Variants in KCNMB2 observed in about 807,000 individuals in gnomAD.
KCNMB2 encodes the protein potassium calcium-activated channel subfamily M regulatory beta subunit 2.
KCNMB2 carries 9 observed loss-of-function variants against 24.5 expected under a neutral mutation model. The ratio of observed to expected loss-of-function variants is 0.37; its 90% CI spans 0.22 to 0.64. KCNMB2 has a LOEUF of 0.64. Among genes scored for constraint, KCNMB2 ranks in the 30% least tolerant of loss-of-function variants. The pLI, the probability that KCNMB2 is intolerant of heterozygous loss-of-function variation, is 0.63. For missense variants in KCNMB2, 226 were observed against 284.3 expected (o/e 0.79, Z 1.47); for synonymous variants, 109 against 104.4 (o/e 1.04, Z -0.27).
intron 1 of KCNMB2, among the ~76,000 whole-genome samples, chr3:178,755,989 A>T (rs112044481): frequency 0.012 from 1,834 of 152,310 alleles, 42 homozygotes; most frequent in African/African-American, 0.042. Flanking sequence ...GCTGAGGAGG[A>T]TATAAATTAT....
In KCNMB2 at chr3:178,823,435, G is replaced by A. The variant is rs79652524; in HGVS notation, c.57-2153G>A. Among the ~76,000 whole-genome samples the A allele has an allele frequency of 2.7e-3, 413 of 152,258 alleles. 2 individuals carry two copies. Among genetic ancestry groups the A allele is most frequent in the African/African-American group, 9.3e-3 (387 of 41,560 alleles). ...TAAACAAAGGCCTGTATTTAGCTCT[G>A]ACTCTCCTACTACAATGGGCTCACT... On this transcript the variant is annotated intron_variant, in intron 2 of 4. Transcript: ENST00000452583.
intron 1 of KCNMB2, among the ~76,000 whole-genome samples, chr3:178,797,971 T>C (rs1466394601): frequency 1.3e-5 from 2 of 152,196 alleles, no homozygotes; most frequent in African/African-American, 4.8e-5. Context: ...CTTGTGACTT[T>C]TGCACATTGA....
intron 4 of KCNMB2, among the ~76,000 whole-genome samples, chr3:178,831,385 C>G (rs146762819): frequency 5.7e-4 from 87 of 152,290 alleles, no homozygotes; most frequent in African/African-American, 2.0e-3. Flanking sequence ...CCAGCAATCC[C>G]AGTATTGGGT....
At chr3:178,605,505 A>C (rs1577043266) in intron 1 of KCNMB2, among the ~76,000 whole-genome samples, 1 of 152,218 alleles carries the variant, frequency 6.6e-6, no homozygotes, top group Non-Finnish European at 1.5e-5. Context: ...TTGTATGTAC[A>C]TGCTAGGAAA....
At chr3:178,566,316 A>T (rs1374230428) in intron 1 of KCNMB2, among the ~76,000 whole-genome samples, 1 of 152,242 alleles carries the variant, frequency 6.6e-6, no homozygotes, top group Non-Finnish European at 1.5e-5. Context: ...TCTATTAGAT[A>T]CTTTTAGAGG....
At chr3:178,664,794 TA>T (rs1179901696) in intron 1 of KCNMB2, among the ~76,000 whole-genome samples, 3 of 151,824 alleles carry the variant, frequency 2.0e-5, no homozygotes, top group Non-Finnish European at 2.9e-5. Context: ...TTAAAGAAAA[TA>T]AAAAAGTAGC....
intron 1 of KCNMB2, among the ~76,000 whole-genome samples, chr3:178,758,537 TATATATATATATATCCAAGAGGAG>T (rs1188107491): frequency 1.9e-5 from 1 of 53,006 alleles, no homozygotes; most frequent in Non-Finnish European, 3.5e-5. Flanking sequence ...TATATATATA[TATATATATATATATCCAAGAGGAG>T]ATATATATAT....
intron 1 of KCNMB2, among the ~76,000 whole-genome samples, chr3:178,549,009 A>G (rs947083555): frequency 6.6e-6 from 1 of 152,206 alleles, no homozygotes; most frequent in Non-Finnish European, 1.5e-5. Flanking sequence ...GTATCTTATA[A>G]AAAGATAAGC....
intron 1 of KCNMB2, among the ~76,000 whole-genome samples, chr3:178,644,934 T>A (rs1719864126): frequency 6.6e-6 from 1 of 152,150 alleles, no homozygotes; most frequent in African/African-American, 2.4e-5. Context: ...TGAAGACATG[T>A]ATATGAAAAT....
Position 178,684,954 on chromosome 3 carries a change from C to T in KCNMB2, c.-67-122389C>T, listed in dbSNP as rs143642407. Among the ~76,000 whole-genome samples, 624 of 152,280 alleles carry T rather than the reference C, an allele frequency of 4.1e-3. 2 individuals are homozygous for T. Among genetic ancestry groups the T allele is most frequent in the Non-Finnish European group, 6.9e-3 (468 of 68,018 alleles). ...CACAGTAAAATTTATTTTAAAAGCA[C>T]GCATCTGTGAAGTTTTCCCTTTCTT... On this transcript the variant is annotated intron_variant, in intron 1 of 4. Transcript: ENST00000452583.
chr3:178,800,332 A>G (rs1376632902), intron 1 of KCNMB2, among the ~76,000 whole-genome samples: 1 of 152,148 alleles, frequency 6.6e-6, no homozygotes, highest in Middle Eastern at 3.2e-3. Context: ...AATCTATAGG[A>G]AAAAAATCTA....
intron 1 of KCNMB2, among the ~76,000 whole-genome samples, chr3:178,548,379 T>C (rs1715844024): frequency 6.6e-6 from 1 of 152,188 alleles, no homozygotes; most frequent in Admixed American, 6.5e-5. Context: ...TCACAGCCAT[T>C]GGCTCTCACT....
intron 1 of KCNMB2, among the ~76,000 whole-genome samples, chr3:178,757,711 TATATATATGTATATATATCCAAGAGG>T (rs1724175498): frequency 1.3e-5 from 1 of 76,658 alleles, no homozygotes; most frequent in Admixed American, 1.6e-4. Flanking sequence ...TCCAAGAGGA[TATATATATGTATATATATCCAAGAGG>T]ATATATATAT....
intron 1 of KCNMB2, among the ~76,000 whole-genome samples, chr3:178,670,405 T>C (rs901019650): frequency 2.2e-5 from 3 of 134,384 alleles, no homozygotes; most frequent in Non-Finnish European, 4.7e-5. Context: ...CAAAAGAAAA[T>C]TTTAAAACTG....
chr3:178,585,135 T>C (rs1429032897), intron 1 of KCNMB2, among the ~76,000 whole-genome samples: 1 of 152,226 alleles, frequency 6.6e-6, no homozygotes, highest in Admixed American at 6.5e-5. Flanking sequence ...TTCACTTGGA[T>C]TTCTGCAAAC....
At chr3:178,623,725 C>T (rs576463133) in intron 1 of KCNMB2, among the ~76,000 whole-genome samples, 1 of 152,000 alleles carries the variant, frequency 6.6e-6, no homozygotes, top group East Asian at 1.9e-4. Context: ...TTATTGTTTC[C>T]CTCTGCATCA....
chr3:178,593,887 G>T (rs1717770167), intron 1 of KCNMB2, among the ~76,000 whole-genome samples: 1 of 142,604 alleles, frequency 7.0e-6, no homozygotes, highest in Non-Finnish European at 1.5e-5. Flanking sequence ...CAACCTCTTG[G>T]CCACGGCATA....
rs114653168 is a variant in KCNMB2, at chr3:178,703,997, C to T, written c.-67-103346C>T. Among the ~76,000 whole-genome samples the T allele has an allele frequency of 4.6e-3, 704 of 152,142 alleles. 4 individuals are homozygous for T. Among genetic ancestry groups the T allele is most frequent in the Non-Finnish European group, 7.4e-3 (503 of 67,988 alleles). On this transcript the variant is annotated intron_variant, in intron 1 of 4. Transcript: ENST00000452583. ...AATCTCTCAAGCAATAAAGAAAATG[C>T]TTTCGTTTATAGACCAATTGACATC... is the stretch of plus-strand genomic sequence containing the variant.
At chr3:178,627,095 G>A (rs1469928954) in intron 1 of KCNMB2, among the ~76,000 whole-genome samples, 1 of 151,882 alleles carries the variant, frequency 6.6e-6, no homozygotes, top group Non-Finnish European at 1.5e-5. Flanking sequence ...GCCTCATAGA[G>A]GTTTAAGGAT....
Sources: allele counts gnomAD v4.1 joint callset (sites outside exome capture counted in the v4.1 genomes callset), GRCh38; gene constraint gnomAD v4.1.1; transcripts MANE v1.5; gene names NCBI Gene and HGNC (gene_info 2026-07-23, HGNC 2026-07-21).